Variants in B4GALNT3 observed in about 807,000 individuals in gnomAD.
B4GALNT3 encodes beta-1,4-N-acetylgalactosaminyltransferase 3.
In B4GALNT3, 86 loss-of-function variants were observed where a neutral mutation model predicts 120.2. That is an observed-to-expected ratio of 0.72 (90% CI 0.60 to 0.86). The LOEUF is 0.86. Among genes scored for constraint, B4GALNT3 ranks in the 40% least tolerant of loss-of-function variants. The pLI is 0.00. For synonymous variants in B4GALNT3, 518 were observed against 510.4 expected, an observed-to-expected ratio of 1.01 and a Z score of -0.20; for missense variants, 1,167 against 1,298.9, an observed-to-expected ratio of 0.90 and a Z score of 1.56.
At chr12:489,363 A>G (rs944027083) in intron 1 of B4GALNT3, among the ~76,000 whole-genome samples, 1 of 151,996 alleles carries the variant, frequency 6.6e-6, no homozygotes, top group East Asian at 1.9e-4. Flanking sequence ...CAGAAAAAGA[A>G]AGGAAGACAA....
chr12:460,555 A>G lies in B4GALNT3; in HGVS notation c.169+10A>G. On this transcript the variant is annotated intron_variant, in intron 1 of 19. Transcript: ENST00000266383. The surrounding 1 kb of genome is among the most constrained non-coding windows in gnomAD (Gnocchi z 8.0). ...AACCCCCTGAACCGGAGTAAGTAGC[A>G]CCCAGGGGAGGCGAAGGGCGCGGGG... The G allele has an allele frequency of 1.4e-6, 2 of 1,437,186 alleles. No homozygotes were observed. Among genetic ancestry groups the G allele is most frequent in the Non-Finnish European group, 9.2e-7 (1 of 1,084,032 alleles). 89.0% of individuals were successfully genotyped at this position (1,437,186 alleles called of 1,614,324 possible). A position where few individuals can be genotyped will look rare whatever the true frequency, so the allele number is the denominator to read the frequency against.
chr12:498,148 A>G (rs753904516), intron 1 of B4GALNT3, among the ~76,000 whole-genome samples: 5 of 152,182 alleles, frequency 3.3e-5, no homozygotes, highest in Non-Finnish European at 7.3e-5. Flanking sequence ...GTACCTTGGC[A>G]GTGCCCCACA....
At chr12:549,705 A>G (rs4980939) in intron 9 of B4GALNT3, 64 bp from the exon 10 acceptor site, 542,123 of 1,597,114 alleles carry the variant, frequency 0.34, 94,655 homozygotes, top group Admixed American at 0.45. Flanking sequence ...CTCCCCTTCA[A>G]GGGCAGTGGG....
intron 16 of B4GALNT3, 30 bp from the exon 17 acceptor site, chr12:557,986 G>T: frequency 1.2e-6 from 2 of 1,611,376 alleles, no homozygotes; most frequent in Non-Finnish European, 1.7e-6. Flanking sequence ...GCTGAGTCCT[G>T]ATACGCAGCC....
intron 1 of B4GALNT3, among the ~76,000 whole-genome samples, chr12:504,986 G>A (rs937880054): frequency 6.6e-6 from 1 of 151,940 alleles, no homozygotes; most frequent in African/African-American, 2.4e-5. Flanking sequence ...CGCCTCTTGG[G>A]TTCAAGCGAT....
rs1245246985 is a variant in B4GALNT3, at chr12:553,621, GTCGTA to G, written c.1699_1703del (p.Ser567HisfsTer8). 1 of 1,613,910 alleles carries G rather than the reference GTCGTA, an allele frequency of 6.2e-7. No homozygotes were observed. The highest frequency in any genetic ancestry group is 8.5e-7 in the Non-Finnish European group (1 of 1,179,922). The stretch of plus-strand genomic sequence containing the variant: ...AGACTCAGTGGCTGAACCAGGTGGA[GTCGTA>G]CATCGCAGAGCAGAGACGGGGTGAC... On this transcript the variant is annotated frameshift_variant, in exon 14 of 20. Coordinates refer to ENST00000266383, the MANE Select transcript of B4GALNT3 (RefSeq NM_173593.4). LOFTEE classifies it high-confidence loss of function.
At position 526,151 on chromosome 12, in the gene B4GALNT3, G is replaced by T. The variant is rs550012335; in HGVS notation, c.170-9015G>T. On this transcript the variant is annotated intron_variant, in intron 1 of 19. Coordinates refer to ENST00000266383, the MANE Select transcript of B4GALNT3 (RefSeq NM_173593.4). ...TCCGTCCTAACTGCACCTAGGGAAG[G>T]GTGGAGCTGAATGTCTCCATTGGTG... is the stretch of plus-strand genomic sequence containing the variant. 6.4e-4 allele frequency among the ~76,000 whole-genome samples: 98 copies of T among 152,286 alleles called. 3 individuals carry two copies. Among genetic ancestry groups the T allele is most frequent in the East Asian group, 2.1e-3 (11 of 5,176 alleles).
At chr12:538,999 A>G (rs1196688768) in intron 3 of B4GALNT3, among the ~76,000 whole-genome samples, 2 of 152,216 alleles carry the variant, frequency 1.3e-5, no homozygotes, top group African/African-American at 2.4e-5. Flanking sequence ...AGGTCAGCTC[A>G]GGGTCACAGA....
intron 14 of B4GALNT3, among the ~76,000 whole-genome samples, chr12:555,796 T>TA (rs1370174146): frequency 6.6e-6 from 1 of 152,020 alleles, no homozygotes; most frequent in Admixed American, 6.6e-5. Flanking sequence ...TATTTATTTT[T>TA]TTTTTTGAGA....
intron 1 of B4GALNT3, among the ~76,000 whole-genome samples, chr12:525,182 C>T (rs891972906): frequency 6.6e-6 from 1 of 151,180 alleles, no homozygotes; most frequent in Non-Finnish European, 1.5e-5. Context: ...GATCTCGGCT[C>T]ACTGCAATCT....
At chr12:492,867 A>G (rs1186745674) in intron 1 of B4GALNT3, among the ~76,000 whole-genome samples, 1 of 151,834 alleles carries the variant, frequency 6.6e-6, no homozygotes, top group Admixed American at 6.6e-5. Context: ...TGTGGTAAAG[A>G]TAGTCTTGTC....
intron 1 of B4GALNT3, among the ~76,000 whole-genome samples, chr12:487,511 G>A (rs748763841): frequency 5.3e-5 from 8 of 151,990 alleles, no homozygotes; most frequent in Non-Finnish European, 8.8e-5. Context: ...CCAGGAGTTC[G>A]AGACCAGCCT....
intron 1 of B4GALNT3, among the ~76,000 whole-genome samples, chr12:466,803 C>T (rs917744255): frequency 6.6e-6 from 1 of 152,038 alleles, no homozygotes; most frequent in African/African-American, 2.4e-5. Flanking sequence ...TATTTCATAA[C>T]TACAAAAGGC....
intron 1 of B4GALNT3, among the ~76,000 whole-genome samples, chr12:494,797 C>T (rs1946373782): frequency 6.6e-6 from 1 of 151,864 alleles, no homozygotes; most frequent in African/African-American, 2.4e-5. Context: ...ACTGGAAAGG[C>T]TGACTGGGGC....
intron 1 of B4GALNT3, among the ~76,000 whole-genome samples, chr12:500,599 A>G (rs1050101802): frequency 6.6e-6 from 1 of 152,064 alleles, no homozygotes; most frequent in Non-Finnish European, 1.5e-5. Flanking sequence ...CGGTCATTCC[A>G]CTTATGCTGA....
intron 1 of B4GALNT3, among the ~76,000 whole-genome samples, chr12:477,321 A>G (rs1308824814): frequency 6.6e-6 from 1 of 152,134 alleles, no homozygotes; most frequent in African/African-American, 2.4e-5. Flanking sequence ...CTATTGATCT[A>G]TTTTTTTCTT....
chr12:478,426 A>C (rs1170027331), intron 1 of B4GALNT3, among the ~76,000 whole-genome samples: 2 of 152,130 alleles, frequency 1.3e-5, no homozygotes, highest in East Asian at 1.9e-4. Context: ...AGGAAATACC[A>C]CCTGTCTGTT....
chr12:556,952 TC>T, intron 15 of B4GALNT3, 86 bp downstream of exon 15: 1 of 1,378,008 alleles, frequency 7.3e-7, no homozygotes, highest in Admixed American at 2.3e-5. Context: ...ACTGATTTGA[TC>T]CCATAAGCAC....
intron 3 of B4GALNT3, among the ~76,000 whole-genome samples, chr12:541,829 G>GC (rs1946918955): frequency 2.0e-5 from 2 of 98,918 alleles, no homozygotes; most frequent in African/African-American, 7.9e-5. Context: ...TCCCTGCCCA[G>GC]TCCCCCCCCT....
Sources: allele counts gnomAD v4.1 joint callset (sites outside exome capture counted in the v4.1 genomes callset), GRCh38; gene constraint gnomAD v4.1.1; non-coding constraint Gnocchi (gnomAD v3.1); transcripts MANE v1.5; gene names NCBI Gene and HGNC (gene_info 2026-07-23, HGNC 2026-07-21).